The following CDH18 variants were observed in gnomAD, a reference collection of about 807,000 sequenced individuals.
CDH18 encodes the protein cadherin-18.
Under a neutral mutation model 67.9 loss-of-function variants are expected in CDH18, and 31 were observed. The observed-to-expected ratio is 0.46, with a 90% CI of 0.34 to 0.62. CDH18 has a LOEUF of 0.62. CDH18 is among the 20% of genes least tolerant of loss of function. CDH18 has a pLI of 0.01. For missense variants in CDH18, 890 were observed against 975.5 expected (o/e 0.91, Z 1.17); for synonymous variants, 362 against 347.2 (o/e 1.04, Z -0.48).
intron 1 of CDH18, among the ~76,000 whole-genome samples, chr5:20,548,533 A>C (rs2126612922): frequency 6.6e-6 from 1 of 152,098 alleles, no homozygotes; most frequent in East Asian, 1.9e-4. Context: ...CATGACAGTA[A>C]GGTAAATTGG....
At chr5:20,476,002 C>T (rs927998601) in intron 1 of CDH18, among the ~76,000 whole-genome samples, 2 of 152,094 alleles carry the variant, frequency 1.3e-5, no homozygotes, top group Admixed American at 1.3e-4. Flanking sequence ...AGAAGAACAC[C>T]ATAAGATGTG....
chr5:19,847,788 G>GTTT (rs33926428), intron 2 of CDH18, among the ~76,000 whole-genome samples: 1 of 151,714 alleles, frequency 6.6e-6, no homozygotes. Flanking sequence ...CTGTAGACAT[G>GTTT]TCTTTTGACT....
chr5:20,326,712 G>A (rs1487326222), intron 1 of CDH18, among the ~76,000 whole-genome samples: 2 of 151,698 alleles, frequency 1.3e-5, no homozygotes, highest in African/African-American at 4.8e-5. Flanking sequence ...CTAATTTTTT[G>A]TATTTTTTTT....
At chr5:19,687,956 C>T (rs1761340353) in intron 5 of CDH18, among the ~76,000 whole-genome samples, 3 of 152,172 alleles carry the variant, frequency 2.0e-5, no homozygotes, top group Admixed American at 2.0e-4. Flanking sequence ...ACCACTTGTG[C>T]AGTACCAAAA....
At chr5:20,326,448 C>T (rs28687389) in intron 1 of CDH18, among the ~76,000 whole-genome samples, 16,526 of 151,576 alleles carry the variant, frequency 0.11, 1,488 homozygotes, top group East Asian at 0.37. Context: ...TGGGTAACAA[C>T]AAGGGACCTA....
chr5:20,479,487 G>A (rs1313336038), intron 1 of CDH18, among the ~76,000 whole-genome samples: 3 of 152,000 alleles, frequency 2.0e-5, no homozygotes, highest in Admixed American at 6.6e-5. Flanking sequence ...ACTGCAGAAT[G>A]CATCAGAGTC....
At chr5:20,436,721 AT>A (rs1265656297) in intron 1 of CDH18, among the ~76,000 whole-genome samples, 5 of 151,046 alleles carry the variant, frequency 3.3e-5, no homozygotes, top group Non-Finnish European at 7.4e-5. Flanking sequence ...TTCACATGAA[AT>A]TTTTTTGCGA....
chr5:20,412,839 G>A (rs1746910397), intron 1 of CDH18, among the ~76,000 whole-genome samples: 1 of 152,078 alleles, frequency 6.6e-6, no homozygotes, highest in Non-Finnish European at 1.5e-5. Flanking sequence ...TATACTTTAA[G>A]TTCTAGGGTA....
intron 1 of CDH18, among the ~76,000 whole-genome samples, chr5:20,360,668 C>T (rs1362445420): frequency 6.6e-6 from 1 of 152,174 alleles, no homozygotes; most frequent in Non-Finnish European, 1.5e-5. Context: ...CAAGATGACA[C>T]AATTAGCAGA....
At chr5:20,374,131 G>A (rs984457817) in intron 1 of CDH18, among the ~76,000 whole-genome samples, 4 of 152,158 alleles carry the variant, frequency 2.6e-5, no homozygotes, top group African/African-American at 2.4e-5. Flanking sequence ...AAGTTCCCGT[G>A]TTATTCTGCT....
intron 1 of CDH18, among the ~76,000 whole-genome samples, chr5:20,541,061 A>G (rs763349913): frequency 4.9e-4 from 74 of 152,312 alleles, no homozygotes; most frequent in African/African-American, 1.8e-3. Flanking sequence ...TCACATTTCA[A>G]TCTATCGGAT....
chr5:19,879,259 G>A (rs1314680097), intron 2 of CDH18, among the ~76,000 whole-genome samples: 2 of 151,916 alleles, frequency 1.3e-5, no homozygotes, highest in East Asian at 1.9e-4. Context: ...GAAAGGTTGT[G>A]TCAATTCTTA....
chr5:19,696,615 T>TG (rs1321222662), intron 5 of CDH18, among the ~76,000 whole-genome samples: 2 of 151,822 alleles, frequency 1.3e-5, no homozygotes, highest in African/African-American at 4.8e-5. Flanking sequence ...AGGATGGTCT[T>TG]GATCTCCTGA....
chr5:20,300,630 A>G (rs1429528070), intron 1 of CDH18, among the ~76,000 whole-genome samples: 1 of 152,054 alleles, frequency 6.6e-6, no homozygotes, highest in Non-Finnish European at 1.5e-5. Context: ...AGAATATGAA[A>G]TCTCCTCAGG....
chr5:20,228,060 T>C (rs980254141), intron 2 of CDH18, among the ~76,000 whole-genome samples: 6 of 152,166 alleles, frequency 3.9e-5, no homozygotes, highest in Non-Finnish European at 8.8e-5. Flanking sequence ...TACTTTTCTA[T>C]CATATGACAG....
intron 8 of CDH18, among the ~76,000 whole-genome samples, chr5:19,550,000 T>C (rs1294908047): frequency 6.6e-6 from 1 of 152,030 alleles, no homozygotes; most frequent in Non-Finnish European, 1.5e-5. Context: ...CCAGAGAGTA[T>C]GGAATTTGAT....
chr5:20,218,185 G>A (rs1314806051), intron 2 of CDH18, among the ~76,000 whole-genome samples: 12 of 151,800 alleles, frequency 7.9e-5, no homozygotes, highest in Admixed American at 7.9e-4. Flanking sequence ...AATATTTACA[G>A]AACATTTCAT....
chr5:19,833,813 T>C (rs970407150), intron 3 of CDH18, among the ~76,000 whole-genome samples: 1 of 152,212 alleles, frequency 6.6e-6, no homozygotes, highest in Non-Finnish European at 1.5e-5. Flanking sequence ...GTTTATGTGA[T>C]GGATTACATT....
intron 2 of CDH18, among the ~76,000 whole-genome samples, chr5:20,149,072 A>G (rs1463198006): frequency 2.6e-5 from 4 of 152,150 alleles, no homozygotes; most frequent in African/African-American, 4.8e-5. Context: ...AGCTGATCAC[A>G]TTCTGTATAT....
Sources: allele counts gnomAD v4.1 joint callset (sites outside exome capture counted in the v4.1 genomes callset), GRCh38; gene constraint gnomAD v4.1.1; transcripts MANE v1.5; gene names NCBI Gene and HGNC (gene_info 2026-07-23, HGNC 2026-07-21).